VPS13C: variants seen among roughly 807,000 people sequenced by gnomAD.
The protein encoded by VPS13C is vacuolar protein sorting 13 homolog C, also known as intermembrane lipid transfer protein VPS13C.
Under a neutral mutation model 456.8 loss-of-function variants are expected in VPS13C, and 358 were observed. The ratio of observed to expected loss-of-function variants is 0.78; its 90% CI spans 0.72 to 0.86. VPS13C has a LOEUF of 0.86. Ranked by LOEUF, VPS13C falls within the 40% of genes least tolerant of loss-of-function variation. The pLI is 0.00. For synonymous variants in VPS13C, 1,578 were observed against 1,486.7 expected (o/e 1.06, Z -1.41); for missense variants, 4,818 against 4,385.4 (o/e 1.10, Z -2.79).
chr15:61,886,368 G>C (rs1021249005), intron 67 of VPS13C, among the ~76,000 whole-genome samples: 12 of 152,054 alleles, frequency 7.9e-5, no homozygotes, highest in Non-Finnish European at 1.5e-4. Flanking sequence ...CAGAGCTGTA[G>C]TTCCATAACA....
chr15:61,884,040 T>C (rs1358819890), intron 68 of VPS13C, 88 bp downstream of exon 68: 4 of 1,231,466 alleles, frequency 3.2e-6, no homozygotes, highest in East Asian at 4.9e-5. Flanking sequence ...TTTCTGCACA[T>C]GTCTTTACTT....
Position 62,055,709 on chromosome 15 carries a change from T to G in VPS13C, c.100+4566A>C, listed in dbSNP as rs77989067. 6.6e-3 allele frequency among the ~76,000 whole-genome samples: 1,010 copies of G among 152,316 alleles called. 15 individuals carry two copies. Among genetic ancestry groups the G allele is most frequent in the African/African-American group, 0.023 (973 of 41,554 alleles). On this transcript the variant is annotated intron_variant, in intron 1 of 84. Coordinates refer to ENST00000644861, the MANE Select transcript of VPS13C (RefSeq NM_020821.3). ...TACGCATTTTTATTGACATGATACCTTTCAGTCACTTAAGATATCAATTTC... is the reference window on the plus strand; with the variant it reads ...TACGCATTTTTATTGACATGATACCGTTCAGTCACTTAAGATATCAATTTC...
Position 61,854,354 on chromosome 15 carries a change from A to C in VPS13C, c.*103T>G. 1 of 1,108,884 alleles carries C rather than the reference A, an allele frequency of 9.0e-7. No homozygotes were observed. The highest frequency in any genetic ancestry group is 1.4e-6 in the Non-Finnish European group (1 of 724,504). The allele number at this position is 1,108,884 out of a possible 1,614,324, so 68.7% of individuals were successfully genotyped here. ...TAGCTATTCCAGAAAACTAAAACTA[A>C]AGGATTGCTTGAAAAATTGTCTTTA... On this transcript the variant is annotated 3_prime_UTR_variant, in exon 85 of 85. Transcript: ENST00000644861.
At chr15:62,029,420 T>C (rs959657513) in intron 5 of VPS13C, among the ~76,000 whole-genome samples, 6 of 152,104 alleles carry the variant, frequency 3.9e-5, no homozygotes, top group African/African-American at 1.4e-4. Context: ...TGTTAGCTGA[T>C]CCCACAGATG....
Position 61,858,899 on chromosome 15 carries a change from G to T in VPS13C, c.10953-2490C>A, listed in dbSNP as rs1008914204. On this transcript the variant is annotated intron_variant, in intron 82 of 84. Coordinates refer to ENST00000644861, the MANE Select transcript of VPS13C (RefSeq NM_020821.3). This position sits in a 1 kb window ranked among gnomAD's most constrained non-coding sequence, Gnocchi z 4.4. The stretch of plus-strand genomic sequence containing the variant: ...ACAAAATGTATACAGTCTCTAACTG[G>T]TCTCCTTGCCTCTGGACTGATTCTC... Among the ~76,000 whole-genome samples the T allele has an allele frequency of 5.3e-5, 8 of 152,130 alleles. No individual in the cohort carries two copies. The highest frequency in any genetic ancestry group is 5.2e-4 in the Admixed American group (8 of 15,256).
chr15:61,895,808 T>A (rs1227389014), intron 66 of VPS13C, among the ~76,000 whole-genome samples: 1 of 152,164 alleles, frequency 6.6e-6, no homozygotes, highest in Admixed American at 6.5e-5. Flanking sequence ...CTGGGAAGGA[T>A]AGGAAGAAGG....
chr15:61,875,680 T>C (rs1414277879), intron 76 of VPS13C, 52 bp downstream of exon 76: 15 of 1,298,136 alleles, frequency 1.2e-5, no homozygotes, highest in Middle Eastern at 2.1e-4. Context: ...TATTAAAAAA[T>C]AGACCATCCA....
chr15:61,925,402 A>T, intron 53 of VPS13C, 54 bp downstream of exon 53: 1 of 1,071,118 alleles, frequency 9.3e-7, no homozygotes. Flanking sequence ...GCAAATATGC[A>T]ATGTCGTGAA....
chr15:61,889,123 A>G (rs1246259426), intron 67 of VPS13C, among the ~76,000 whole-genome samples: 1 of 152,136 alleles, frequency 6.6e-6, no homozygotes, highest in African/African-American at 2.4e-5. Flanking sequence ...GTTATTTTAG[A>G]TAAATTTTTT....
intron 47 of VPS13C, among the ~76,000 whole-genome samples, chr15:61,939,085 C>T (rs1293952748): frequency 6.6e-6 from 1 of 152,100 alleles, no homozygotes; most frequent in African/African-American, 2.4e-5. Context: ...TTACAACATC[C>T]ATTATATGAA....
chr15:61,981,838 G>A (rs958872973), intron 21 of VPS13C, among the ~76,000 whole-genome samples: 1 of 151,708 alleles, frequency 6.6e-6, no homozygotes, highest in Non-Finnish European at 1.5e-5. Flanking sequence ...ACTCCAGCCT[G>A]GGCAAAAGAG....
At chr15:61,938,422 G>A (rs1257272011) in intron 47 of VPS13C, among the ~76,000 whole-genome samples, 2 of 152,192 alleles carry the variant, frequency 1.3e-5, no homozygotes, top group East Asian at 3.9e-4. Flanking sequence ...CAACTTGCCA[G>A]TGTCACCTGC....
In VPS13C at chr15:61,854,905, C is replaced by T. The variant is rs182054663; in HGVS notation, c.11126G>A (p.Arg3709Gln). The stretch of plus-strand genomic sequence containing the variant: ...GGCGGTGTCCTTCAGGTAAACTTTT[C>T]GAACACAGCCTTGATTGGCACTGTC... ...KKDSANQGCVRKVYLKDTATA... is the reference protein window; with the variant it reads ...KKDSANQGCVQKVYLKDTATA... The change falls in exon 84 of 85, where the codon CGA becomes CAA. Residue 3709 changes from arginine to glutamine, a missense_variant. Arg to Gln is a conservative substitution (Grantham distance 43). Transcript: ENST00000644861. The T allele has an allele frequency of 1.2e-6, 2 of 1,613,252 alleles. No individual in the cohort carries two copies. The highest frequency in any genetic ancestry group is 1.3e-5 in the African/African-American group (1 of 74,868).
At chr15:61,895,382 T>G (rs970417006) in intron 66 of VPS13C, among the ~76,000 whole-genome samples, 5 of 151,592 alleles carry the variant, frequency 3.3e-5, no homozygotes, top group African/African-American at 1.2e-4. Context: ...TAAATAAAAT[T>G]GAGACAAAAA....
chr15:61,920,205 A>T lies in VPS13C; in HGVS notation c.7339T>A (p.Phe2447Ile). 6.2e-7 allele frequency: 1 copy of T among 1,613,688 alleles called. No individual in the cohort carries two copies. Among genetic ancestry groups the T allele is most frequent in the Non-Finnish European group, 8.5e-7 (1 of 1,179,680 alleles). ...KPNCNLRVMG[F>I]PEKSDIFDVD... ...TCAAAAATATCACTTTTCTCAGGGAAGCCCATTACTCTGAGATTACAATTG... is the reference window on the plus strand; with the variant it reads ...TCAAAAATATCACTTTTCTCAGGGATGCCCATTACTCTGAGATTACAATTG... The change falls in exon 57 of 85, where the codon TTC (phenylalanine) becomes ATC (isoleucine). Residue 2447 changes from phenylalanine (F) to isoleucine (I), a missense_variant. Physicochemically the swap from Phe to Ile is conservative, Grantham distance 21 (BLOSUM62 0). This residue lies in a region of VPS13C where 4,552 missense variants were observed against 4,130.6 expected (regional missense o/e 1.10). Transcript: ENST00000644861.
intron 53 of VPS13C, among the ~76,000 whole-genome samples, chr15:61,924,228 T>A (rs2043766251): frequency 6.6e-6 from 1 of 152,178 alleles, no homozygotes; most frequent in African/African-American, 2.4e-5. Flanking sequence ...ATCAGTTCTG[T>A]CTGGATAAAC....
intron 3 of VPS13C, among the ~76,000 whole-genome samples, chr15:62,040,466 C>T (rs1218264043): frequency 1.3e-5 from 2 of 151,744 alleles, no homozygotes; most frequent in Non-Finnish European, 2.9e-5. Context: ...TCATGTACCC[C>T]ATAAATATAT....
rs180732798 is a variant in VPS13C, at chr15:61,983,733, T to A, written c.1914+87A>T. ...AACTTACTTATTAAGTAAATAAATG[T>A]TAAATATGAAAGAGGAGAAATAAGA... On this transcript the variant is annotated intron_variant, in intron 20 of 84. Transcript: ENST00000644861. 1.2e-5 allele frequency: 17 copies of A among 1,362,586 alleles called. No homozygotes were observed. In the East Asian group the frequency reaches 4.2e-4, roughly 34 times the overall value. The allele number at this position is 1,362,586 out of a possible 1,614,324, so 84.4% of individuals were successfully genotyped here. A position where few individuals can be genotyped will look rare whatever the true frequency, so the allele number is the denominator to read the frequency against.
intron 49 of VPS13C, among the ~76,000 whole-genome samples, chr15:61,933,539 G>C (rs1467041511): frequency 1.3e-5 from 2 of 151,910 alleles, no homozygotes; most frequent in African/African-American, 2.4e-5. Context: ...GCTCACTGTT[G>C]AATCTATAAT....
Sources: gnomAD v4.1 joint callset for allele counts (sites outside exome capture counted in the v4.1 genomes callset) on GRCh38, gnomAD v4.1.1 for gene constraint, gnomAD v4.1.1 regional missense constraint, Gnocchi (gnomAD v3.1) non-coding constraint, MANE v1.5 for transcripts, NCBI Gene and HGNC (gene_info 2026-07-23, HGNC 2026-07-21) for gene names.